Variants in NR5A2 observed in about 807,000 individuals in gnomAD.
The protein encoded by NR5A2 is CYP7A promoter-binding factor.
In NR5A2, 26 loss-of-function variants were observed where a neutral mutation model predicts 62.7. The ratio of observed to expected loss-of-function variants is 0.41; its 90% CI spans 0.30 to 0.58. NR5A2 has a LOEUF of 0.58. NR5A2 is among the 20% of genes least tolerant of loss of function. The pLI is 0.22. For missense variants in NR5A2, 541 were observed against 669.1 expected (o/e 0.81, Z 2.11); for synonymous variants, 246 against 241.7 (o/e 1.02, Z -0.16).
chr1:200,030,066 T>A (rs778452906), intron 1 of NR5A2, among the ~76,000 whole-genome samples: 2 of 152,126 alleles, frequency 1.3e-5, no homozygotes, highest in Non-Finnish European at 1.5e-5. Context: ...GCCCCTTGAA[T>A]GGGTCTTTCT....
At chr1:200,146,854 T>C (rs1040981831) in intron 7 of NR5A2, among the ~76,000 whole-genome samples, 2 of 152,162 alleles carry the variant, frequency 1.3e-5, no homozygotes, top group Admixed American at 6.5e-5. Flanking sequence ...TACATAATAA[T>C]TTACTTATCA....
At chr1:200,145,827 G>C (rs1045370789) in intron 7 of NR5A2, among the ~76,000 whole-genome samples, 11 of 152,020 alleles carry the variant, frequency 7.2e-5, no homozygotes, top group Non-Finnish European at 2.9e-5. Context: ...TTGATACTTT[G>C]ATGTCCCTAA....
chr1:200,103,270 CATGCCACCACGCTGGGCTA>C lies in NR5A2; in HGVS notation c.1111-7929_1111-7911del, dbSNP rs532665956. The stretch of plus-strand genomic sequence containing the variant: ...TCCCAAGTAGCTGGGATTACAGGCA[CATGCCACCACGCTGGGCTA>C]ATTTTTTGTATTTTTGGTAGAGAGG... On this transcript the variant is annotated intron_variant, in intron 5 of 7. Coordinates refer to ENST00000367362, the MANE Select transcript of NR5A2 (RefSeq NM_205860.3). Among the ~76,000 whole-genome samples the C allele has an allele frequency of 3.9e-5, 6 of 152,042 alleles. No individual in the cohort carries two copies. In the South Asian group the frequency reaches 1.2e-3, roughly 32 times the overall value.
chr1:200,043,262 G>T (rs771950098), intron 2 of NR5A2, among the ~76,000 whole-genome samples: 1 of 152,210 alleles, frequency 6.6e-6, no homozygotes, highest in Non-Finnish European at 1.5e-5. Flanking sequence ...GCTGAGAAGC[G>T]GGTTTCTGGG....
At chr1:200,140,099 T>C (rs1415945944) in intron 7 of NR5A2, among the ~76,000 whole-genome samples, 1 of 152,238 alleles carries the variant, frequency 6.6e-6, no homozygotes, top group East Asian at 1.9e-4. Flanking sequence ...TGATATTTAG[T>C]TAATTTTAAT....
At chr1:200,103,688 G>T (rs933146602) in intron 5 of NR5A2, among the ~76,000 whole-genome samples, 1 of 152,220 alleles carries the variant, frequency 6.6e-6, no homozygotes, top group East Asian at 1.9e-4. Context: ...GCAGTCTGAG[G>T]CAACTGCCCT....
rs1212012443 is a variant in NR5A2 at position 200,039,509 on chromosome 1, G to A, written c.65-149G>A. On this transcript the variant is annotated intron_variant, in intron 1 of 7. Transcript: ENST00000367362. The surrounding 1 kb of genome is among the most constrained non-coding windows in gnomAD (Gnocchi z 5.1). ...GCAGCTTGGGGGCGGCTCCGGAGCTGCGAGACCGGACAGGGCTCAGAGGTC... is the reference window on the plus strand; with the variant it reads ...GCAGCTTGGGGGCGGCTCCGGAGCTACGAGACCGGACAGGGCTCAGAGGTC... The A allele has an allele frequency of 3.7e-6, 4 of 1,092,256 alleles. No individual in the cohort carries two copies. The highest frequency in any genetic ancestry group is 5.3e-4 in the Middle Eastern group (2 of 3,776). 67.7% of individuals were successfully genotyped at this position (1,092,256 alleles called of 1,614,324 possible).
At position 200,174,293 on chromosome 1, in the gene NR5A2, A is replaced by T; in HGVS notation, c.*83A>T. On this transcript the variant is annotated 3_prime_UTR_variant, in exon 8 of 8. Transcript: ENST00000367362. ...GGGGAAGAAGAACAGGAAGAAAAAA[A>T]GTACTCTGAACTGCTCCAAGTAACG... is the stretch of plus-strand genomic sequence containing the variant. The T allele has an allele frequency of 7.0e-7, 1 of 1,427,816 alleles. No individual in the cohort carries two copies. The allele number at this position is 1,427,816 out of a possible 1,614,324, so 88.4% of individuals were successfully genotyped here.
At chr1:200,035,342 C>T (rs915948526) in intron 1 of NR5A2, among the ~76,000 whole-genome samples, 1 of 152,100 alleles carries the variant, frequency 6.6e-6, no homozygotes, top group Non-Finnish European at 1.5e-5. Context: ...GGTCATCTAC[C>T]CAGGCGCGCG....
chr1:200,116,510 T>C (rs1376239384), intron 6 of NR5A2, among the ~76,000 whole-genome samples: 1 of 152,184 alleles, frequency 6.6e-6, no homozygotes, highest in Non-Finnish European at 1.5e-5. Context: ...TTGAACTATG[T>C]CTGTTCATAG....
At position 200,048,473 on chromosome 1, in the gene NR5A2, G is replaced by A. The variant is rs764257662; in HGVS notation, c.765G>A (p.Leu255=). ...TGACAATGCCCCCTCACGGCAGCCTGCAAGGTTACCAAACATATGGCCACT... is the reference window on the plus strand; with the variant it reads ...TGACAATGCCCCCTCACGGCAGCCTACAAGGTTACCAAACATATGGCCACT... The part of the protein sequence containing the change: ...ISMTMPPHGS[L]QGYQTYGHFP... The change falls in exon 5 of 8, where the codon CTG becomes CTA. Residue 255 remains leucine, a synonymous_variant. Coordinates refer to ENST00000367362, the MANE Select transcript of NR5A2 (RefSeq NM_205860.3). The surrounding 1 kb of genome is among the most constrained non-coding windows in gnomAD (Gnocchi z 4.8). 9.3e-6 allele frequency: 15 copies of A among 1,614,166 alleles called. 1 individual carries two copies. The Admixed American group carries it at 2.5e-4, about 27-fold the overall frequency.
At chr1:200,166,931 A>G (rs747098747) in intron 7 of NR5A2, among the ~76,000 whole-genome samples, 4 of 152,314 alleles carry the variant, frequency 2.6e-5, no homozygotes, top group East Asian at 1.9e-4. Context: ...TTCCTCCCTC[A>G]TTCTTACTGA....
At chr1:200,165,427 C>A (rs755172398) in intron 7 of NR5A2, among the ~76,000 whole-genome samples, 1 of 152,142 alleles carries the variant, frequency 6.6e-6, no homozygotes, top group Non-Finnish European at 1.5e-5. Flanking sequence ...TTTGGACACA[C>A]GTAATGACAT....
chr1:200,110,650 A>C (rs1360002024), intron 5 of NR5A2, among the ~76,000 whole-genome samples: 1 of 152,188 alleles, frequency 6.6e-6, no homozygotes, highest in Non-Finnish European at 1.5e-5. Context: ...GTCCAGCACA[A>C]TCGGACTTTC....
chr1:200,116,822 G>A (rs2102303374), intron 6 of NR5A2, among the ~76,000 whole-genome samples: 1 of 152,234 alleles, frequency 6.6e-6, no homozygotes, highest in Non-Finnish European at 1.5e-5. Flanking sequence ...ACGCACATAT[G>A]CACACATATA....
chr1:200,101,486 C>T (rs1283826705), intron 5 of NR5A2, among the ~76,000 whole-genome samples: 3 of 152,132 alleles, frequency 2.0e-5, no homozygotes, highest in African/African-American at 7.2e-5. Context: ...AAAGAGTCAC[C>T]CTACTGCACT....
intron 7 of NR5A2, among the ~76,000 whole-genome samples, chr1:200,138,088 G>T (rs1402748653): frequency 1.3e-5 from 2 of 152,046 alleles, no homozygotes; most frequent in Admixed American, 1.3e-4. Flanking sequence ...CTGATCCATG[G>T]TATTTCGTTA....
intron 5 of NR5A2, among the ~76,000 whole-genome samples, chr1:200,099,605 A>G (rs377653789): frequency 2.0e-5 from 3 of 151,750 alleles, no homozygotes; most frequent in Non-Finnish European, 2.9e-5. Context: ...ATTTTATTTT[A>G]TTTTTTGAGA....
chr1:200,062,966 A>G (rs1663293880), intron 5 of NR5A2, among the ~76,000 whole-genome samples: 1 of 151,976 alleles, frequency 6.6e-6, no homozygotes, highest in African/African-American at 2.4e-5. Context: ...TGCTATTAAC[A>G]CTTAGTTCAA....
Sources: allele counts gnomAD v4.1 joint callset (sites outside exome capture counted in the v4.1 genomes callset), GRCh38; gene constraint gnomAD v4.1.1; non-coding constraint Gnocchi (gnomAD v3.1); transcripts MANE v1.5; gene names NCBI Gene and HGNC (gene_info 2026-07-23, HGNC 2026-07-21).